PDZD4: variants seen among roughly 807,000 people sequenced by gnomAD.
The protein encoded by PDZD4 is PDZ domain containing 4.
A neutral mutation model predicts 38.5 loss-of-function variants in PDZD4; 9 were observed. That is an observed-to-expected ratio of 0.23 (90% confidence interval 0.14 to 0.41). PDZD4 has a LOEUF of 0.41. PDZD4 is among the 10% of genes least tolerant of loss of function. The pLI is 1.00. For missense variants in PDZD4, 612 were observed against 722.0 expected (o/e 0.85, Z 1.75); for synonymous variants, 349 against 315.7 (o/e 1.11, Z -1.12).
At chrX:153,818,167 A>AC (rs2064381591) in intron 1 of PDZD4, among the ~76,000 whole-genome samples, 1 of 111,706 alleles carries the variant, frequency 9.0e-6, no homozygotes, top group Admixed American at 9.5e-5. Context: ...AACCACTGGA[A>AC]CCCAGGAGGT....
At chrX:153,804,922 C>T (rs782540020) in intron 7 of PDZD4, 22 bp from the exon 8 acceptor site, 16 of 1,187,087 alleles carry the variant, frequency 1.3e-5, no homozygotes, top group East Asian at 3.0e-5. Flanking sequence ...AGGTAAGTAC[C>T]GCTCAGTTAG....
chrX:153,803,897 G>A lies in PDZD4; in HGVS notation c.1784C>T (p.Pro595Leu), dbSNP rs1557075605. The A allele has an allele frequency of 1.7e-6, 2 of 1,179,957 alleles. No individual in the cohort carries two copies. The highest frequency in any genetic ancestry group is 1.1e-6 in the Non-Finnish European group (1 of 882,034). The change falls in exon 8 of 8, where the codon CCG becomes CTG. Residue 595 changes from proline to leucine, a missense_variant. Pro to Leu is a moderately conservative substitution (Grantham distance 98, BLOSUM62 -3). Around this residue, in one of 3 missense-constraint regions of PDZD4, gnomAD observed 300 missense variants for 284.6 expected, o/e 1.05. Coordinates refer to ENST00000393758, the MANE Select transcript of PDZD4 (RefSeq NM_001303512.2). ...EHYHSCVQLA[P>L]TRGLEELGHG... ...GCCCAGCTCCTCCAGGCCTCGCGTC[G>A]GGGCCAGCTGCACGCAGCTGTGGTA...
intron 6 of PDZD4, 135 bp downstream of exon 6, chrX:153,805,370 C>T: frequency 3.2e-6 from 2 of 632,082 alleles, no homozygotes; most frequent in Non-Finnish European, 2.5e-6. Context: ...GGAAACGGGC[C>T]CTGAGAGACC....
intron 1 of PDZD4, among the ~76,000 whole-genome samples, chrX:153,809,677 T>A (rs2064289806): frequency 8.9e-6 from 1 of 112,846 alleles, no homozygotes; most frequent in African/African-American, 3.2e-5. Context: ...CACAAAATCC[T>A]AACCCCCAAC....
At chrX:153,819,035 TAGGCGGAGAGGGCGGAGCCCC>T (rs2064392172) in intron 1 of PDZD4, among the ~76,000 whole-genome samples, 1 of 112,386 alleles carries the variant, frequency 8.9e-6, no homozygotes, top group Non-Finnish European at 1.9e-5. Flanking sequence ...CGGGGCGCCC[TAGGCGGAGAGGGCGGAGCCCC>T]AGGCGCGCTC....
rs782180666 is a variant in PDZD4 at position 153,806,805 on chromosome X, C to T, written c.441G>A (p.Lys147=). Residue 147 remains lysine, a synonymous_variant, in exon 4 of 8, where the codon AAG becomes AAA. Transcript: ENST00000393758. Reference sequence around the variant, plus strand: ...TGCGGTAGCAAACCATCAGGCCCAGCTTGTCCCGGTGGCTGCTTTTATACA... The same window carrying T: ...TGCGGTAGCAAACCATCAGGCCCAGTTTGTCCCGGTGGCTGCTTTTATACA... ...VELYKSSHRD[K]LGLMVCYRTD... 3 of 1,211,690 alleles carry T rather than the reference C, an allele frequency of 2.5e-6. No homozygotes were observed. Among genetic ancestry groups the T allele is most frequent in the East Asian group, 5.9e-5 (2 of 33,837 alleles).
At position 153,803,412 on chromosome X, in the gene PDZD4, C is replaced by T. The variant is rs968113390; in HGVS notation, c.2269G>A (p.Ala757Thr). ...ITIQEMLAHGARSADGKRVYN... is the reference protein window; with the variant it reads ...ITIQEMLAHGTRSADGKRVYN... ...ACCCGCTTGCCATCGGCGGAGCGCG[C>T]GCCGTGGGCCAGCATCTCCTGGATG... Residue 757 changes from alanine (A) to threonine (T), a missense_variant, in exon 8 of 8, where the codon GCG becomes ACG. Transcript: ENST00000393758. The T allele has an allele frequency of 3.1e-5, 35 of 1,143,690 alleles. No homozygotes were observed. The highest frequency in any genetic ancestry group is 3.7e-5 in the Non-Finnish European group (32 of 864,361). 94.3% of individuals were successfully genotyped at this position (1,143,690 alleles called of 1,213,427 possible).
chrX:153,819,565 C>A (rs1270321463), intron 1 of PDZD4, among the ~76,000 whole-genome samples: 1 of 112,090 alleles, frequency 8.9e-6, no homozygotes, highest in South Asian at 3.7e-4. Context: ...GAGTAGGAAA[C>A]AAGCTGGGGA....
rs782384042 is a variant in PDZD4 at position 153,803,329 on chromosome X, G to A, written c.*24C>T. ...GGGCCCCAGGGGGTTCCCTGGGCCT[G>A]GGCCGTGTACCCGCCCGGGCAGCTC... On this transcript the variant is annotated 3_prime_UTR_variant, in exon 8 of 8. Transcript: ENST00000393758. 6 of 1,116,756 alleles carry A rather than the reference G, an allele frequency of 5.4e-6. No individual in the cohort carries two copies. Among genetic ancestry groups the A allele is most frequent in the Admixed American group, 6.4e-5 (2 of 31,275 alleles). The allele number at this position is 1,116,756 out of a possible 1,213,427, so 92.0% of individuals were successfully genotyped here. A position where few individuals can be genotyped will look rare whatever the true frequency, so the allele number is the denominator to read the frequency against.
Position 153,804,697 on chromosome X carries a change from C to T in PDZD4, c.984G>A (p.Leu328=). The change falls in exon 8 of 8, where the codon CTG becomes CTA. Residue 328 remains leucine (L), a synonymous_variant. Coordinates refer to ENST00000393758, the MANE Select transcript of PDZD4 (RefSeq NM_001303512.2). Reference sequence around the variant, plus strand: ...TGCTGAAATGGAAGTCCCGGCTCTGCAGGGCGTCCCCTTGCAGGCCAAACT... The same window carrying T: ...TGCTGAAATGGAAGTCCCGGCTCTGTAGGGCGTCCCCTTGCAGGCCAAACT... ...LRKFGLQGDA[L]QSRDFHFSMD... The T allele has an allele frequency of 8.3e-7, 1 of 1,210,396 alleles. No homozygotes were observed. The highest frequency in any genetic ancestry group is 1.1e-6 in the Non-Finnish European group (1 of 895,301).
Position 153,804,751 on chromosome X carries a change from G to C in PDZD4, c.930C>G (p.Ser310Arg). 2 of 1,211,281 alleles carry C rather than the reference G, an allele frequency of 1.7e-6. No individual in the cohort carries two copies. Among genetic ancestry groups the C allele is most frequent in the Non-Finnish European group, 2.2e-6 (2 of 895,574 alleles). The change falls in exon 8 of 8, where the codon AGC becomes AGG. Residue 310 changes from serine to arginine, a missense_variant. This residue lies in a region of PDZD4 where 225 missense variants were observed against 311.0 expected (regional missense o/e 0.72). Coordinates refer to ENST00000393758, the MANE Select transcript of PDZD4 (RefSeq NM_001303512.2). ...EHDLLGDEPP[S>R]STNTPGSLRK... Reference sequence around the variant, plus strand: ...GCAGGCTTCCCGGGGTGTTGGTGGAGCTCGGGGGTTCGTCCCCCAGCAGGT... The same window carrying C: ...GCAGGCTTCCCGGGGTGTTGGTGGACCTCGGGGGTTCGTCCCCCAGCAGGT...
Position 153,805,142 on chromosome X carries a change from C to A in PDZD4, c.735G>T (p.Glu245Asp). Residue 245 changes from glutamate (E) to aspartate (D), a missense_variant, in exon 7 of 8, where the codon GAG becomes GAT. By Grantham distance (45) the Glu-to-Asp change is conservative (BLOSUM62 2). Around this residue, in one of 3 missense-constraint regions of PDZD4, gnomAD observed 225 missense variants for 311.0 expected, o/e 0.72. Transcript: ENST00000393758. ...DFLDDFGSENEGELRARKLKS... is the reference protein window; with the variant it reads ...DFLDDFGSENDGELRARKLKS... ...TCAGTTTACGAGCACGCAGCTCCCC[C>A]TCATTCTCAGAGCCAAAGTCATCCA... The A allele has an allele frequency of 8.3e-7, 1 of 1,211,793 alleles. No individual in the cohort carries two copies. The highest frequency in any genetic ancestry group is 1.1e-6 in the Non-Finnish European group (1 of 895,505).
intron 1 of PDZD4, among the ~76,000 whole-genome samples, chrX:153,823,816 G>C (rs1005673568): frequency 4.4e-5 from 5 of 112,698 alleles, no homozygotes; most frequent in African/African-American, 1.3e-4. Flanking sequence ...GAGTCACTGA[G>C]CCAGTGGGCC....
At chrX:153,806,688 C>T in intron 4 of PDZD4, 54 bp downstream of exon 4, 2 of 1,111,966 alleles carry the variant, frequency 1.8e-6, no homozygotes, top group Non-Finnish European at 2.5e-6. Flanking sequence ...GCCTCTGAGC[C>T]ACAGGCAGGC....
At chrX:153,823,235 T>TA (rs1557081767) in intron 1 of PDZD4, among the ~76,000 whole-genome samples, 332 of 101,602 alleles carry the variant, frequency 3.3e-3, no homozygotes, top group African/African-American at 5.4e-3. Context: ...ATATATATAT[T>TA]TTTTTTTGAG....
In PDZD4 at chrX:153,802,612, A is replaced by C. The variant is rs1487211797; in HGVS notation, c.*741T>G. On this transcript the variant is annotated 3_prime_UTR_variant, in exon 8 of 8. Transcript: ENST00000393758. ...GTCACTGGGGAAACAGGTGCCCCCC[A>C]GAGGCTCCCCGTTCCCACACCTCAG... The C allele has an allele frequency of 1.8e-5, 2 of 111,336 alleles. No homozygotes were observed. The highest frequency in any genetic ancestry group is 3.8e-4 in the South Asian group (1 of 2,606). 9.2% of individuals were successfully genotyped at this position (111,336 alleles called of 1,213,427 possible).
At position 153,806,645 on chromosome X, in the gene PDZD4, GC is replaced by G. The variant is rs782659342; in HGVS notation, c.504+96del. On this transcript the variant is annotated intron_variant, in intron 4 of 7. Coordinates refer to ENST00000393758, the MANE Select transcript of PDZD4 (RefSeq NM_001303512.2). ...CACCACGCAGCACCCTAGCTGTGAT[GC>G]CCTGTTTCTGGTAGCTGGGACCTTA... The G allele has an allele frequency of 5.2e-6, 4 of 766,119 alleles. No homozygotes were observed. In the South Asian group the frequency reaches 8.9e-5, roughly 17 times the overall value. The allele number at this position is 766,119 out of a possible 1,213,427, so 63.1% of individuals were successfully genotyped here.
intron 1 of PDZD4, among the ~76,000 whole-genome samples, chrX:153,827,911 T>G (rs2064498416): frequency 8.9e-6 from 1 of 112,199 alleles, no homozygotes; most frequent in African/African-American, 3.2e-5. Context: ...AGAAAATGGC[T>G]TGGAACACAA....
At position 153,808,390 on chromosome X, in the gene PDZD4, G is replaced by A; in HGVS notation, c.266C>T (p.Pro89Leu). Residue 89 changes from proline (P) to leucine (L), a missense_variant, in exon 2 of 8, where the codon CCG becomes CTG. Around this residue, in one of 3 missense-constraint regions of PDZD4, gnomAD observed 225 missense variants for 311.0 expected, o/e 0.72. Transcript: ENST00000393758. ...CAGGATGACCATGGGCGGGGTGGGCGGACGCAGCTTGCCCAGCGCCATGAT... is the reference window on the plus strand; with the variant it reads ...CAGGATGACCATGGGCGGGGTGGGCAGACGCAGCTTGCCCAGCGCCATGAT... The part of the protein sequence containing the change: ...EHIMALGKLR[P>L]PTPPMVILEP... The A allele has an allele frequency of 8.3e-7, 1 of 1,210,889 alleles. No individual in the cohort carries two copies.
Sources: allele counts gnomAD v4.1 joint callset (sites outside exome capture counted in the v4.1 genomes callset), GRCh38; gene constraint gnomAD v4.1.1; regional missense constraint gnomAD v4.1.1; transcripts MANE v1.5; gene names NCBI Gene and HGNC (gene_info 2026-07-23, HGNC 2026-07-21).